Variants in FCHSD2 observed in about 807,000 individuals in gnomAD.
FCHSD2 encodes F-BAR and double SH3 domains protein 2.
Under a neutral mutation model 108.1 loss-of-function variants are expected in FCHSD2, and 38 were observed. The ratio of observed to expected loss-of-function variants is 0.35; its 90% CI spans 0.27 to 0.46. The LOEUF is 0.46. FCHSD2 is among the 20% of genes least tolerant of loss of function. The pLI is 1.00. For missense variants in FCHSD2, 751 were observed against 897.8 expected (o/e 0.84, Z 2.09); for synonymous variants, 279 against 314.7 (o/e 0.89, Z 1.20).
chr11:72,937,699 T>C (rs1007377179), intron 8 of FCHSD2, among the ~76,000 whole-genome samples: 1 of 152,220 alleles, frequency 6.6e-6, no homozygotes, highest in Non-Finnish European at 1.5e-5. Flanking sequence ...ATTAACTCTG[T>C]GTTTGTATAT....
At chr11:73,123,553 C>A (rs987704127) in intron 2 of FCHSD2, among the ~76,000 whole-genome samples, 5 of 152,116 alleles carry the variant, frequency 3.3e-5, no homozygotes, top group African/African-American at 7.2e-5. Flanking sequence ...TTTTATAATG[C>A]GTTCTTGGCA....
intron 5 of FCHSD2, among the ~76,000 whole-genome samples, chr11:72,993,418 C>A (rs1857457614): frequency 6.6e-6 from 1 of 152,084 alleles, no homozygotes. Context: ...GGTATATACC[C>A]AAAGGATTAT....
At chr11:73,080,889 A>T (rs1486537640) in intron 3 of FCHSD2, among the ~76,000 whole-genome samples, 1 of 152,094 alleles carries the variant, frequency 6.6e-6, no homozygotes, top group African/African-American at 2.4e-5. Context: ...AGTTGCAGTG[A>T]GCCAAGACTG....
intron 2 of FCHSD2, among the ~76,000 whole-genome samples, chr11:73,098,772 CAA>C (rs1435882385): frequency 6.6e-6 from 1 of 152,154 alleles, no homozygotes; most frequent in African/African-American, 2.4e-5. Context: ...TAAAATGGCT[CAA>C]AGACCTAAAT....
chr11:73,085,166 C>G (rs1380574), intron 2 of FCHSD2, among the ~76,000 whole-genome samples: 1 of 152,084 alleles, frequency 6.6e-6, no homozygotes, highest in Non-Finnish European at 1.5e-5. Context: ...AACCTAAAGA[C>G]TCATGCTTAT....
intron 12 of FCHSD2, among the ~76,000 whole-genome samples, chr11:72,875,366 C>T (rs1193364165): frequency 6.6e-6 from 1 of 152,182 alleles, no homozygotes; most frequent in East Asian, 1.9e-4. Context: ...ATCTATCTAG[C>T]TAGCTATTAT....
chr11:72,909,048 T>C (rs1268330632), intron 9 of FCHSD2, among the ~76,000 whole-genome samples: 1 of 152,104 alleles, frequency 6.6e-6, no homozygotes, highest in African/African-American at 2.4e-5. Flanking sequence ...CACCTCTCCC[T>C]TCCCCTCCCC....
chr11:73,104,773 G>A (rs546117842), intron 2 of FCHSD2, among the ~76,000 whole-genome samples: 2 of 152,082 alleles, frequency 1.3e-5, no homozygotes, highest in African/African-American at 4.8e-5. Flanking sequence ...TTCACCACCA[G>A]GCCAGGCTGG....
chr11:72,940,488 G>A, intron 8 of FCHSD2: 1 of 729,276 alleles, frequency 1.4e-6, no homozygotes, highest in East Asian at 2.5e-5. Context: ...TAGCCATCAG[G>A]TAAGCCAAGA....
chr11:73,104,414 C>T (rs547302943), intron 2 of FCHSD2, among the ~76,000 whole-genome samples: 1 of 152,140 alleles, frequency 6.6e-6, no homozygotes, highest in East Asian at 1.9e-4. Context: ...GGATTACAGA[C>T]GCACACCACC....
At chr11:73,018,737 T>A (rs1858029188) in intron 3 of FCHSD2, among the ~76,000 whole-genome samples, 1 of 152,168 alleles carries the variant, frequency 6.6e-6, no homozygotes, top group Admixed American at 6.5e-5. Context: ...TCAAATTTTT[T>A]AATAACTGTA....
chr11:73,059,343 A>G (rs1158524484), intron 3 of FCHSD2, among the ~76,000 whole-genome samples: 1 of 152,202 alleles, frequency 6.6e-6, no homozygotes, highest in African/African-American at 2.4e-5. Flanking sequence ...CCTTTTTAAA[A>G]AAGGAATTTT....
intron 3 of FCHSD2, among the ~76,000 whole-genome samples, chr11:73,079,338 A>C (rs1859628886): frequency 6.6e-6 from 1 of 151,684 alleles, no homozygotes; most frequent in Admixed American, 6.6e-5. Flanking sequence ...CTGGGATTAC[A>C]GGTACCCGCC....
intron 13 of FCHSD2, among the ~76,000 whole-genome samples, chr11:72,865,200 T>A (rs1050127349): frequency 1.3e-5 from 2 of 152,216 alleles, no homozygotes; most frequent in African/African-American, 2.4e-5. Flanking sequence ...TAATTTAGCC[T>A]CTAGAATGTG....
intron 3 of FCHSD2, among the ~76,000 whole-genome samples, chr11:73,035,130 CTTGT>C (rs1045667294): frequency 4.0e-5 from 6 of 151,370 alleles, no homozygotes; most frequent in African/African-American, 9.7e-5. Context: ...AGTTATTTAA[CTTGT>C]TTTTAGTTTT....
chr11:73,075,991 C>T (rs1398390408), intron 3 of FCHSD2, among the ~76,000 whole-genome samples: 9 of 151,952 alleles, frequency 5.9e-5, no homozygotes, highest in African/African-American at 1.9e-4. Context: ...TGGTGGTGCA[C>T]ACCTGTAGTC....
At chr11:73,044,808 CG>C (rs1858718984) in intron 3 of FCHSD2, among the ~76,000 whole-genome samples, 1 of 152,086 alleles carries the variant, frequency 6.6e-6, no homozygotes, top group South Asian at 2.1e-4. Context: ...CAGTGGCTCA[CG>C]CCTGTAATCC....
chr11:72,872,927 C>T (rs1854891654), intron 12 of FCHSD2, among the ~76,000 whole-genome samples: 2 of 152,202 alleles, frequency 1.3e-5, no homozygotes, highest in African/African-American at 4.8e-5. Context: ...GAGGGTTTCT[C>T]CACATCCTGG....
chr11:73,078,485 C>A (rs1859606855), intron 3 of FCHSD2, among the ~76,000 whole-genome samples: 1 of 152,048 alleles, frequency 6.6e-6, no homozygotes, highest in African/African-American at 2.4e-5. Flanking sequence ...TCAGTGGACA[C>A]AATAAAGAAT....
Sources: allele counts gnomAD v4.1 joint callset (sites outside exome capture counted in the v4.1 genomes callset), GRCh38; gene constraint gnomAD v4.1.1; transcripts MANE v1.5; gene names NCBI Gene and HGNC (gene_info 2026-07-23, HGNC 2026-07-21).